PDE1A: variants seen among roughly 807,000 people sequenced by gnomAD.
The protein encoded by PDE1A is dual specificity calcium/calmodulin-dependent 3',5'-cyclic nucleotide phosphodiesterase 1A.
In PDE1A, 35 loss-of-function variants were observed where a neutral mutation model predicts 61.7. That is an observed-to-expected ratio of 0.57 (90% CI 0.43 to 0.75). PDE1A has a LOEUF of 0.75. Ranked by LOEUF, PDE1A falls within the 30% of genes least tolerant of loss-of-function variation. The pLI is 0.00. For synonymous variants in PDE1A, 232 were observed against 213.2 expected (o/e 1.09, Z -0.77); for missense variants, 597 against 630.6 (o/e 0.95, Z 0.57).
the PDE1A span, among the ~76,000 whole-genome samples, chr2:182,711,314 T>C: frequency 6.6e-6 from 1 of 152,120 alleles, no homozygotes; most frequent in Non-Finnish European, 1.5e-5. Flanking sequence ...ACTCATTCAG[T>C]GATAACGAGA....
intron 13 of PDE1A, among the ~76,000 whole-genome samples, chr2:182,176,147 A>G (rs1692755422): frequency 6.7e-6 from 1 of 148,794 alleles, no homozygotes; most frequent in Non-Finnish European, 1.5e-5. Context: ...CTTTTGGCTT[A>G]GGATTGACTT....
chr2:182,688,505 C>T, the PDE1A span, among the ~76,000 whole-genome samples: 1 of 152,156 alleles, frequency 6.6e-6, no homozygotes, highest in Admixed American at 6.5e-5. Flanking sequence ...ACTAGGCCTA[C>T]CCTACAAGAG....
At chr2:182,581,276 C>G in the PDE1A span, among the ~76,000 whole-genome samples, 1 of 152,132 alleles carries the variant, frequency 6.6e-6, no homozygotes, top group Non-Finnish European at 1.5e-5. Flanking sequence ...GGAGTAGTCT[C>G]ACAGGTTTAA....
At chr2:182,170,454 GA>G (rs1284975070) in intron 13 of PDE1A, among the ~76,000 whole-genome samples, 1 of 152,058 alleles carries the variant, frequency 6.6e-6, no homozygotes, top group Non-Finnish European at 1.5e-5. Context: ...AACAGAAGTA[GA>G]TTTGATGAAG....
Position 182,305,366 on chromosome 2 carries a change from G to A in PDE1A, c.54-40952C>T, listed in dbSNP as rs531337972. ...AAGGGCCAAATACAGGCCTTACAGG[G>A]CATACTTTCAGCTTTACCCTTACAG... On this transcript the variant is annotated intron_variant, in intron 1 of 13. Transcript: ENST00000351439. Among the ~76,000 whole-genome samples, 3 of 151,944 alleles carry A rather than the reference G, an allele frequency of 2.0e-5. No individual in the cohort carries two copies. The South Asian group carries it at 6.2e-4, about 32-fold the overall frequency.
intron 1 of PDE1A, among the ~76,000 whole-genome samples, chr2:182,274,446 C>T (rs1693257888): frequency 6.6e-6 from 1 of 151,958 alleles, no homozygotes; most frequent in African/African-American, 2.4e-5. Flanking sequence ...GAAATATTTC[C>T]ATGGCAGATA....
intron 1 of PDE1A, among the ~76,000 whole-genome samples, chr2:182,337,578 G>C: frequency 6.6e-6 from 1 of 152,086 alleles, no homozygotes; most frequent in East Asian, 1.9e-4. Context: ...AAATAATTTG[G>C]AGAATGGCCT....
At chr2:182,424,464 G>T (rs1357853080) in intron 1 of PDE1A, among the ~76,000 whole-genome samples, 1 of 152,076 alleles carries the variant, frequency 6.6e-6, no homozygotes, top group African/African-American at 2.4e-5. Context: ...CTAGTACATG[G>T]GTCTCTGAAA....
the PDE1A span, among the ~76,000 whole-genome samples, chr2:182,653,403 T>A: frequency 6.6e-6 from 1 of 152,188 alleles, no homozygotes. Flanking sequence ...TTTAATCATT[T>A]GGTTTTTTTC....
chr2:182,700,328 T>C, the PDE1A span, among the ~76,000 whole-genome samples: 1 of 148,392 alleles, frequency 6.7e-6, no homozygotes, highest in Non-Finnish European at 1.5e-5. Context: ...ACCCAACACT[T>C]TGGGAGGCTG....
chr2:182,232,094 G>A (rs757154374), intron 4 of PDE1A, among the ~76,000 whole-genome samples: 11 of 152,074 alleles, frequency 7.2e-5, no homozygotes, highest in Non-Finnish European at 1.3e-4. Flanking sequence ...AAAGGAAGTG[G>A]GCCTTTTGAT....
intron 10 of PDE1A, among the ~76,000 whole-genome samples, chr2:182,190,408 T>G (rs1685589673): frequency 1.3e-5 from 2 of 152,224 alleles, no homozygotes; most frequent in Admixed American, 6.5e-5. Flanking sequence ...TTAATGCCAC[T>G]AGTCTTAGAG....
At chr2:182,664,243 T>C in the PDE1A span, among the ~76,000 whole-genome samples, 430 of 152,308 alleles carry the variant, frequency 2.8e-3, 4 homozygotes, top group African/African-American at 9.8e-3. Context: ...AAGTCAAAGA[T>C]GCACAGATCC....
In PDE1A at chr2:182,301,639, A is replaced by T. The variant is rs374054243; in HGVS notation, c.54-37225T>A. ...AGAAGGAAAATATAAAACAGTGAGT[A>T]TGCTGACACAAATAAATCATAATCA... On this transcript the variant is annotated intron_variant, in intron 1 of 13. Transcript: ENST00000351439. 5.3e-4 allele frequency among the ~76,000 whole-genome samples: 80 copies of T among 152,344 alleles called. 1 individual carries two copies. Among genetic ancestry groups the T allele is most frequent in the African/African-American group, 1.8e-3 (74 of 41,576 alleles).
chr2:182,421,603 A>G (rs1425635612), intron 1 of PDE1A, among the ~76,000 whole-genome samples: 1 of 152,218 alleles, frequency 6.6e-6, no homozygotes, highest in Non-Finnish European at 1.5e-5. Flanking sequence ...CAGCAGGAAT[A>G]AATGCCTGGC....
At chr2:182,447,883 A>G (rs1685247183) in intron 2 of PDE1A, among the ~76,000 whole-genome samples, 1 of 152,120 alleles carries the variant, frequency 6.6e-6, no homozygotes, top group Non-Finnish European at 1.5e-5. Context: ...CTTGCGTTTC[A>G]GAGTTTCATC....
chr2:182,169,792 A>G (rs768387315), intron 13 of PDE1A, among the ~76,000 whole-genome samples: 1 of 151,868 alleles, frequency 6.6e-6, no homozygotes, highest in Non-Finnish European at 1.5e-5. Flanking sequence ...AAAACATTTT[A>G]TCATCACCAA....
At chr2:182,238,028 G>C (rs893711285) in intron 3 of PDE1A, among the ~76,000 whole-genome samples, 3 of 152,062 alleles carry the variant, frequency 2.0e-5, no homozygotes, top group Admixed American at 6.6e-5. Context: ...CAGCACTTCG[G>C]GAGGCCTAGG....
chr2:182,206,097 G>T (rs1307851785), intron 7 of PDE1A, 32 bp from the exon 8 acceptor site: 4 of 1,578,426 alleles, frequency 2.5e-6, no homozygotes, highest in South Asian at 1.2e-5. Context: ...CCCAACAGAG[G>T]ATTTCTTTAG....
Sources: gnomAD v4.1 joint callset for allele counts (sites outside exome capture counted in the v4.1 genomes callset) on GRCh38, gnomAD v4.1.1 for gene constraint, MANE v1.5 for transcripts, NCBI Gene and HGNC (gene_info 2026-07-23, HGNC 2026-07-21) for gene names.